The following PLEK variants were observed in gnomAD, a reference collection of about 807,000 sequenced individuals.
PLEK encodes pleckstrin.
In PLEK, 25 loss-of-function variants were observed where a neutral mutation model predicts 43.9. The observed-to-expected ratio is 0.57, with a 90% CI of 0.41 to 0.79. The LOEUF is 0.79. Ranked by LOEUF, PLEK falls within the 30% of genes least tolerant of loss-of-function variation. The pLI is 0.00. For missense variants in PLEK, 396 were observed against 413.3 expected, an observed-to-expected ratio of 0.96 and a Z score of 0.36; for synonymous variants, 152 against 144.4, an observed-to-expected ratio of 1.05 and a Z score of -0.38.
At position 68,365,390 on chromosome 2, in the gene PLEK, GA is replaced by G. The variant is rs1490843875; in HGVS notation, c.41del (p.Lys14ArgfsTer16). 1 of 1,613,044 alleles carries G rather than the reference GA, an allele frequency of 6.2e-7. No individual in the cohort carries two copies. Among genetic ancestry groups the G allele is most frequent in the Non-Finnish European group, 8.5e-7 (1 of 1,179,158 alleles). ...GGATCAGAGAGGGCTACCTTGTGAA[GA>G]AGGTGAGCGAAGGTGCCACTTACCA... ...KRIREGYLVK[K>X]GSVFNTWKPM... On this transcript the variant is annotated frameshift_variant and splice_region_variant, in exon 1 of 9. Coordinates refer to ENST00000234313, the MANE Select transcript of PLEK (RefSeq NM_002664.3). LOFTEE classifies it high-confidence loss of function.
At chr2:68,389,247 A>T (rs1331872743) in intron 6 of PLEK, among the ~76,000 whole-genome samples, 1 of 152,224 alleles carries the variant, frequency 6.6e-6, no homozygotes, top group Admixed American at 6.5e-5. Flanking sequence ...GAGAATATTC[A>T]GGGGGAAGCT....
Position 68,379,172 on chromosome 2 carries a change from CAG to C in PLEK, c.43-1147_43-1146del, listed in dbSNP as rs372648044. ...TAAAAATAAAATTTAAAAAAAGAGA[CAG>C]AGAGAGAGTGCTTGAGCTAGATCAT... On this transcript the variant is annotated intron_variant, in intron 1 of 8. Coordinates refer to ENST00000234313, the MANE Select transcript of PLEK (RefSeq NM_002664.3). 3.8e-4 allele frequency among the ~76,000 whole-genome samples: 57 copies of C among 151,992 alleles called. No individual in the cohort carries two copies. In the East Asian group the frequency reaches 0.011, roughly 28 times the overall value.
At chr2:68,366,537 A>G (rs1445177552) in intron 1 of PLEK, among the ~76,000 whole-genome samples, 1 of 152,164 alleles carries the variant, frequency 6.6e-6, no homozygotes, top group East Asian at 1.9e-4. Context: ...ATGGCACTGA[A>G]CTTTGTTCAT....
chr2:68,394,520 G>C (rs1299639449), intron 8 of PLEK, among the ~76,000 whole-genome samples: 1 of 149,260 alleles, frequency 6.7e-6, no homozygotes, highest in Non-Finnish European at 1.5e-5. Context: ...GGGTGACAGA[G>C]CAATACTCTG....
intron 1 of PLEK, among the ~76,000 whole-genome samples, chr2:68,368,137 A>G (rs908615951): frequency 5.9e-5 from 9 of 152,200 alleles, no homozygotes; most frequent in African/African-American, 1.9e-4. Flanking sequence ...CCTCCTGAAT[A>G]AGATCTCCAA....
intron 1 of PLEK, among the ~76,000 whole-genome samples, chr2:68,374,469 A>G (rs555258415): frequency 6.6e-6 from 1 of 152,312 alleles, no homozygotes; most frequent in African/African-American, 2.4e-5. Flanking sequence ...TGGTGTTACT[A>G]TAATCACTGT....
Position 68,382,628 on chromosome 2 carries a change from T to C in PLEK, c.467T>C (p.Phe156Ser). ...EKDKKIFNHC[F>S]TGNCVIDWLV... ...GACAAGAAGATTTTTAATCACTGCT[T>C]CACAGGTAAAAGCACTTGCAGGCCT... The change falls in exon 4 of 9, where the codon TTC (phenylalanine) becomes TCC (serine). Residue 156 changes from phenylalanine to serine, a missense_variant. By Grantham distance (155) the Phe-to-Ser change is radical. Transcript: ENST00000234313. 1 of 1,580,290 alleles carries C rather than the reference T, an allele frequency of 6.3e-7. No individual in the cohort carries two copies. The highest frequency in any genetic ancestry group is 8.7e-7 in the Non-Finnish European group (1 of 1,149,518).
chr2:68,378,530 CA>C (rs1333451785), intron 1 of PLEK, among the ~76,000 whole-genome samples: 1 of 152,150 alleles, frequency 6.6e-6, no homozygotes, highest in Non-Finnish European at 1.5e-5. Flanking sequence ...CTCCACATGG[CA>C]ACTGGCTAAA....
At chr2:68,371,415 A>T (rs1342182521) in intron 1 of PLEK, among the ~76,000 whole-genome samples, 1 of 152,204 alleles carries the variant, frequency 6.6e-6, no homozygotes, top group African/African-American at 2.4e-5. Flanking sequence ...GCTCTGGTTT[A>T]CCTGCAGCTT....
chr2:68,376,366 A>T (rs1052791818), intron 1 of PLEK, among the ~76,000 whole-genome samples: 8 of 152,034 alleles, frequency 5.3e-5, no homozygotes, highest in Non-Finnish European at 7.4e-5. Flanking sequence ...TATCTTAATT[A>T]AAAAAAATTC....
intron 6 of PLEK, among the ~76,000 whole-genome samples, chr2:68,392,845 T>G (rs952112598): frequency 1.3e-5 from 2 of 150,528 alleles, no homozygotes; most frequent in African/African-American, 4.8e-5. Flanking sequence ...CAGGGCATCT[T>G]AAACCTCTTT....
chr2:68,375,006 A>G (rs1291175132), intron 1 of PLEK, among the ~76,000 whole-genome samples: 2 of 152,184 alleles, frequency 1.3e-5, no homozygotes, highest in Non-Finnish European at 2.9e-5. Context: ...ATTCTTGATG[A>G]AACCTTTATG....
intron 1 of PLEK, among the ~76,000 whole-genome samples, chr2:68,380,001 C>T (rs1673579468): frequency 6.6e-6 from 1 of 151,996 alleles, no homozygotes; most frequent in African/African-American, 2.4e-5. Flanking sequence ...TGGGTCTGTG[C>T]AGTTCGGGAA....
At position 68,380,263 on chromosome 2, in the gene PLEK, G is replaced by C. The variant is rs554732306; in HGVS notation, c.43-65G>C. The C allele has an allele frequency of 6.0e-6, 8 of 1,328,734 alleles. No homozygotes were observed. In the Admixed American group the frequency reaches 1.7e-4, roughly 28 times the overall value. The allele number at this position is 1,328,734 out of a possible 1,614,324, so 82.3% of individuals were successfully genotyped here. ...TGTAAGTAAATATAGAATCTTTCCT[G>C]TTAGGAGGAAAATACAGTTTGCAAA... is the stretch of plus-strand genomic sequence containing the variant. On this transcript the variant is annotated intron_variant, in intron 1 of 8. Coordinates refer to ENST00000234313, the MANE Select transcript of PLEK (RefSeq NM_002664.3).
intron 6 of PLEK, among the ~76,000 whole-genome samples, chr2:68,389,225 G>A (rs570897216): frequency 6.6e-6 from 1 of 152,208 alleles, no homozygotes; most frequent in African/African-American, 2.4e-5. Context: ...GGAGGAAGTC[G>A]CAGGAAGACA....
intron 6 of PLEK, among the ~76,000 whole-genome samples, chr2:68,392,008 A>G (rs1349662288): frequency 3.3e-5 from 5 of 152,200 alleles, no homozygotes; most frequent in Admixed American, 3.3e-4. Flanking sequence ...GCCCTGGGAA[A>G]CAAAGATAAG....
intron 1 of PLEK, among the ~76,000 whole-genome samples, chr2:68,372,267 G>C (rs1016742382): frequency 6.6e-6 from 1 of 151,208 alleles, no homozygotes; most frequent in African/African-American, 2.4e-5. Context: ...TCCACCTCTT[G>C]GGTTCAAGTG....
Position 68,388,435 on chromosome 2 carries a change from ATTC to A in PLEK, c.708_710del (p.Ile236_Leu237delinsMet). On this transcript the variant is annotated inframe_deletion, in exon 6 of 9. Transcript: ENST00000234313. The stretch of plus-strand genomic sequence containing the variant: ...AGAGAATTCCAGTGATGATGATGTG[ATTC>A]TGAAAGAAGAATTCAGAGGGGTCAT... 6.2e-7 allele frequency: 1 copy of A among 1,612,494 alleles called. No homozygotes were observed. The highest frequency in any genetic ancestry group is 1.3e-5 in the African/African-American group (1 of 75,014).
intron 2 of PLEK, 111 bp downstream of exon 2, chr2:68,380,594 AC>A: frequency 7.2e-7 from 1 of 1,389,326 alleles, no homozygotes; most frequent in Non-Finnish European, 1.0e-6. Flanking sequence ...TCTCACCACC[AC>A]CCACACCCCA....
Sources: gnomAD v4.1 joint callset for allele counts (sites outside exome capture counted in the v4.1 genomes callset) on GRCh38, gnomAD v4.1.1 for gene constraint, MANE v1.5 for transcripts, NCBI Gene and HGNC (gene_info 2026-07-23, HGNC 2026-07-21) for gene names.